Variants in ASTN2 observed in about 807,000 individuals in gnomAD.
ASTN2 encodes astrotactin-2.
Under a neutral mutation model 139.8 loss-of-function variants are expected in ASTN2, and 54 were observed. The observed-to-expected ratio is 0.39, with a 90% confidence interval of 0.31 to 0.48. The LOEUF (loss-of-function observed/expected upper bound fraction) is 0.48, where lower values mean the gene tolerates loss of function less well. Among genes scored for constraint, ASTN2 ranks in the 20% least tolerant of loss-of-function variants. The pLI, the probability that ASTN2 is intolerant of heterozygous loss-of-function variation, is 0.95. For missense variants in ASTN2, 1,565 were observed against 1,725.1 expected (o/e 0.91, Z 1.64); for synonymous variants, 756 against 719.5 (o/e 1.05, Z -0.81).
chr9:116,965,732 C>A (rs1835993850), intron 10 of ASTN2, among the ~76,000 whole-genome samples: 1 of 152,146 alleles, frequency 6.6e-6, no homozygotes, highest in South Asian at 2.1e-4. Flanking sequence ...CCCTGAATCC[C>A]AAACCATCCT....
intron 2 of ASTN2, among the ~76,000 whole-genome samples, chr9:117,232,283 C>T (rs1216610090): frequency 1.3e-5 from 2 of 152,130 alleles, no homozygotes; most frequent in African/African-American, 4.8e-5. Flanking sequence ...CTTCTTTATA[C>T]CCCAGGTTTT....
At chr9:116,909,304 ATGAG>A (rs918712329) in intron 10 of ASTN2, among the ~76,000 whole-genome samples, 28 of 152,172 alleles carry the variant, frequency 1.8e-4, no homozygotes, top group African/African-American at 6.8e-4. Flanking sequence ...AGGAGAATGA[ATGAG>A]TGTGTTGAGA....
At chr9:116,779,527 C>T (rs112039958) in intron 13 of ASTN2, among the ~76,000 whole-genome samples, 2,556 of 151,822 alleles carry the variant, frequency 0.017, 45 homozygotes, top group South Asian at 0.053. Flanking sequence ...GCAACACAGA[C>T]ACCTCCCTAC....
In ASTN2 at chr9:116,699,528, C is replaced by G. The variant is rs765348678; in HGVS notation, c.2806+26243G>C. ...TGATCTCATCGTGGCTGACAGTAGTCGCAAGGAAATTCTCCATTTTCCTAA... is the reference window on the plus strand; with the variant it reads ...TGATCTCATCGTGGCTGACAGTAGTGGCAAGGAAATTCTCCATTTTCCTAA... On this transcript the variant is annotated intron_variant, in intron 16 of 22. Coordinates refer to ENST00000313400, the MANE Select transcript of ASTN2 (RefSeq NM_001365068.1). The surrounding 1 kb of genome is among the most constrained non-coding windows in gnomAD (Gnocchi z 4.2). 1.9e-6 allele frequency: 3 copies of G among 1,614,020 alleles called. No individual in the cohort carries two copies. Among genetic ancestry groups the G allele is most frequent in the Non-Finnish European group, 2.5e-6 (3 of 1,180,030 alleles).
chr9:116,650,985 G>A (rs901573105), intron 17 of ASTN2, among the ~76,000 whole-genome samples: 3 of 150,954 alleles, frequency 2.0e-5, no homozygotes, highest in African/African-American at 7.3e-5. Flanking sequence ...GCACGATCTC[G>A]GCTCACTGCA....
chr9:116,950,069 G>A (rs937214238), intron 10 of ASTN2, among the ~76,000 whole-genome samples: 1 of 152,194 alleles, frequency 6.6e-6, no homozygotes, highest in African/African-American at 2.4e-5. Context: ...AATATGCAAG[G>A]AAGCCAGGAA....
chr9:117,119,725 C>A (rs1348875172), intron 4 of ASTN2, among the ~76,000 whole-genome samples: 1 of 151,942 alleles, frequency 6.6e-6, no homozygotes, highest in Non-Finnish European at 1.5e-5. Flanking sequence ...CCTCACCTCA[C>A]CAGCCTTCCT....
intron 10 of ASTN2, among the ~76,000 whole-genome samples, chr9:116,938,308 G>A (rs995041798): frequency 2.0e-5 from 3 of 152,172 alleles, no homozygotes; most frequent in African/African-American, 2.4e-5. Flanking sequence ...GGAAAACTGA[G>A]ACCCTGAAAG....
intron 1 of ASTN2, among the ~76,000 whole-genome samples, chr9:117,341,080 A>G (rs1829049833): frequency 6.6e-6 from 1 of 152,208 alleles, no homozygotes; most frequent in African/African-American, 2.4e-5. Flanking sequence ...GGATTGAATT[A>G]TCTCTTACAA....
At chr9:116,487,162 C>G (rs1004837808) in intron 20 of ASTN2, among the ~76,000 whole-genome samples, 197 bp downstream of exon 20, 2 of 152,236 alleles carry the variant, frequency 1.3e-5, no homozygotes, top group Non-Finnish European at 2.9e-5. Context: ...CACTTCAGGA[C>G]TCACCTGGTG....
chr9:116,596,639 A>G (rs1854592945), intron 19 of ASTN2, among the ~76,000 whole-genome samples: 1 of 152,212 alleles, frequency 6.6e-6, no homozygotes, highest in South Asian at 2.1e-4. Flanking sequence ...TTTAAAGGGC[A>G]GGCAAATCAA....
intron 1 of ASTN2, among the ~76,000 whole-genome samples, chr9:117,357,571 C>T (rs1265328529): frequency 6.6e-6 from 1 of 151,892 alleles, no homozygotes; most frequent in African/African-American, 2.4e-5. Context: ...GAGCATTTCT[C>T]CCTTAGCCAG....
At chr9:117,262,599 AC>A (rs1433283610) in intron 2 of ASTN2, among the ~76,000 whole-genome samples, 1 of 152,066 alleles carries the variant, frequency 6.6e-6, no homozygotes, top group Non-Finnish European at 1.5e-5. Context: ...ATTGCAGTGA[AC>A]TTTTTAGGGT....
At chr9:117,123,282 G>T (rs1829605234) in intron 4 of ASTN2, among the ~76,000 whole-genome samples, 1 of 151,888 alleles carries the variant, frequency 6.6e-6, no homozygotes, top group Admixed American at 6.6e-5. Flanking sequence ...ACCACTCCAA[G>T]CTTTAGCACC....
chr9:117,150,444 G>A (rs1830302633), intron 3 of ASTN2, among the ~76,000 whole-genome samples: 2 of 152,150 alleles, frequency 1.3e-5, no homozygotes, highest in South Asian at 4.1e-4. Flanking sequence ...GAGGAAAAAA[G>A]GGTCAAGTAA....
chr9:116,475,833 G>A (rs1293149728), intron 20 of ASTN2, among the ~76,000 whole-genome samples: 1 of 152,072 alleles, frequency 6.6e-6, no homozygotes, highest in Non-Finnish European at 1.5e-5. Context: ...TGGATGATGA[G>A]GTCCTCGCCT....
chr9:116,439,915 C>A (rs1319350923), intron 22 of ASTN2, among the ~76,000 whole-genome samples: 1 of 152,180 alleles, frequency 6.6e-6, no homozygotes, highest in Non-Finnish European at 1.5e-5. Flanking sequence ...CCATTTCTAC[C>A]TTTTTATCGT....
intron 1 of ASTN2, among the ~76,000 whole-genome samples, chr9:117,391,906 C>A (rs1295221550): frequency 2.6e-5 from 4 of 152,118 alleles, no homozygotes; most frequent in Non-Finnish European, 5.9e-5. Flanking sequence ...GGGATACAGG[C>A]CCCATGCAAG....
chr9:117,162,055 T>G (rs1830565640), intron 3 of ASTN2, among the ~76,000 whole-genome samples: 1 of 151,994 alleles, frequency 6.6e-6, no homozygotes, highest in Admixed American at 6.6e-5. Context: ...AGCTCAGACC[T>G]TGAAGTGACA....
Sources: gnomAD v4.1 joint callset for allele counts (sites outside exome capture counted in the v4.1 genomes callset) on GRCh38, gnomAD v4.1.1 for gene constraint, Gnocchi (gnomAD v3.1) non-coding constraint, MANE v1.5 for transcripts, NCBI Gene and HGNC (gene_info 2026-07-23, HGNC 2026-07-21) for gene names.